Variants in CRB1 observed in about 807,000 individuals in gnomAD.
CRB1 encodes protein crumbs homolog 1.
A neutral mutation model predicts 120.0 loss-of-function variants in CRB1; 83 were observed. The ratio of observed to expected loss-of-function variants is 0.69; its 90% CI spans 0.58 to 0.83. The LOEUF is 0.83. Ranked by LOEUF, CRB1 falls within the 40% of genes least tolerant of loss-of-function variation. CRB1 has a pLI of 0.00. For synonymous variants in CRB1, 625 were observed against 612.5 expected (o/e 1.02, Z -0.30); for missense variants, 1,699 against 1,687.6 (o/e 1.01, Z -0.12).
At chr1:197,288,752 A>ATCTTTCT (rs1655986159) in intron 1 of CRB1, among the ~76,000 whole-genome samples, 1 of 151,724 alleles carries the variant, frequency 6.6e-6, no homozygotes, top group Non-Finnish European at 1.5e-5. Flanking sequence ...TGATTTGAAG[A>ATCTTTCT]CATAGCAATG....
intron 2 of CRB1, among the ~76,000 whole-genome samples, chr1:197,342,030 A>G (rs981730108): frequency 1.3e-5 from 2 of 152,218 alleles, no homozygotes; most frequent in African/African-American, 4.8e-5. Flanking sequence ...ACAGTCTGGT[A>G]TGACATATGA....
chr1:197,225,136 C>T, the CRB1 span, among the ~76,000 whole-genome samples: 1 of 152,080 alleles, frequency 6.6e-6, no homozygotes, highest in South Asian at 2.1e-4. Flanking sequence ...GCCAAGATTT[C>T]TTGTCCAAGT....
At chr1:197,371,799 T>C (rs1360103582) in intron 5 of CRB1, among the ~76,000 whole-genome samples, 2 of 152,114 alleles carry the variant, frequency 1.3e-5, no homozygotes, top group Admixed American at 6.5e-5. Flanking sequence ...TTCATCGCTT[T>C]TACGGTAAGC....
At chr1:197,460,633 C>T (rs1450435639) in intron 11 of CRB1, among the ~76,000 whole-genome samples, 1 of 152,042 alleles carries the variant, frequency 6.6e-6, no homozygotes, top group Non-Finnish European at 1.5e-5. Context: ...AACGAAGGCC[C>T]AAAGAAGTGA....
chr1:197,410,559 C>T (rs1482546011), intron 5 of CRB1, among the ~76,000 whole-genome samples: 1 of 152,174 alleles, frequency 6.6e-6, no homozygotes, highest in Admixed American at 6.5e-5. Flanking sequence ...GAACAATTGC[C>T]TCATTTAATC....
At chr1:197,428,184 G>A (rs1296467047) in intron 7 of CRB1, among the ~76,000 whole-genome samples, 183 bp downstream of exon 7, 1 of 152,144 alleles carries the variant, frequency 6.6e-6, no homozygotes, top group Non-Finnish European at 1.5e-5. Context: ...CCATAGAAAT[G>A]AGGCCTTGAT....
the CRB1 span, among the ~76,000 whole-genome samples, chr1:197,209,195 C>A: frequency 6.6e-6 from 1 of 152,204 alleles, no homozygotes; most frequent in African/African-American, 2.4e-5. Flanking sequence ...CATGCCTCCC[C>A]ACATGCCTCA....
At chr1:197,460,197 C>A (rs1483204377) in intron 11 of CRB1, among the ~76,000 whole-genome samples, 1 of 151,794 alleles carries the variant, frequency 6.6e-6, no homozygotes. Flanking sequence ...TTCCCTGGAT[C>A]AGCATCACTA....
the CRB1 span, among the ~76,000 whole-genome samples, chr1:197,227,861 C>T: frequency 6.6e-6 from 1 of 152,220 alleles, no homozygotes; most frequent in Non-Finnish European, 1.5e-5. Context: ...CATTTCCGTA[C>T]ATCTTCTGAA....
Position 197,435,281 on chromosome 1 carries a change from T to G in CRB1, c.3418T>G (p.Leu1140Val), listed in dbSNP as rs201380452. 2.5e-5 allele frequency: 40 copies of G among 1,613,732 alleles called. No individual in the cohort carries two copies. The highest frequency in any genetic ancestry group is 5.0e-5 in the Admixed American group (3 of 59,942). The change falls in exon 9 of 12, where the codon TTA becomes GTA. Residue 1140 changes from leucine (L) to valine (V), a missense_variant. Transcript: ENST00000367400. ...TNSVVTGCLQ[L>V]NVCNSNPCLH... Reference sequence around the variant, plus strand: ...TTCAGTGGTCACTGGCTGTTTGCAGTTAAATGTCTGCAACTCCAACCCCTG... The same window carrying G: ...TTCAGTGGTCACTGGCTGTTTGCAGGTAAATGTCTGCAACTCCAACCCCTG...
intron 5 of CRB1, among the ~76,000 whole-genome samples, chr1:197,390,458 C>T (rs769394700): frequency 1.1e-4 from 17 of 151,974 alleles, no homozygotes; most frequent in Non-Finnish European, 2.4e-4. Flanking sequence ...AACAATAGCT[C>T]CCAACATTCT....
intron 11 of CRB1, among the ~76,000 whole-genome samples, chr1:197,467,502 A>C (rs1666800493): frequency 6.6e-6 from 1 of 152,180 alleles, no homozygotes; most frequent in African/African-American, 2.4e-5. Context: ...TAATTGTCCC[A>C]ATAATGTCCC....
intron 5 of CRB1, among the ~76,000 whole-genome samples, chr1:197,362,244 G>A (rs1431666396): frequency 1.3e-5 from 2 of 152,020 alleles, no homozygotes; most frequent in African/African-American, 4.8e-5. Context: ...TTTCAAATTT[G>A]TTGGGGTTTG....
At chr1:197,377,423 A>G (rs899054171) in intron 5 of CRB1, among the ~76,000 whole-genome samples, 20 of 152,204 alleles carry the variant, frequency 1.3e-4, no homozygotes, top group African/African-American at 4.6e-4. Context: ...TCTCAGTTGT[A>G]AGCATTGATC....
At chr1:197,225,778 A>G in the CRB1 span, among the ~76,000 whole-genome samples, 2 of 152,352 alleles carry the variant, frequency 1.3e-5, no homozygotes, top group African/African-American at 4.8e-5. Flanking sequence ...CTTTAAGCCC[A>G]TATTTTGAAG....
At chr1:197,431,065 CA>C (rs201907193) in intron 8 of CRB1, among the ~76,000 whole-genome samples, 13 of 145,980 alleles carry the variant, frequency 8.9e-5, no homozygotes, top group Admixed American at 4.1e-4. Flanking sequence ...GACCCTGTCT[CA>C]AAAAAAAATA....
intron 1 of CRB1, among the ~76,000 whole-genome samples, chr1:197,293,042 G>A (rs1190616282): frequency 1.3e-5 from 2 of 152,034 alleles, no homozygotes; most frequent in Admixed American, 6.6e-5. Context: ...TTTCAATATA[G>A]TGTTGGAAGT....
chr1:197,224,671 T>C, the CRB1 span, among the ~76,000 whole-genome samples: 1 of 152,136 alleles, frequency 6.6e-6, no homozygotes, highest in Admixed American at 6.6e-5. Context: ...ATGACTTTCT[T>C]GGCTATTAAT....
At chr1:197,296,940 T>C (rs1359842111) in intron 1 of CRB1, among the ~76,000 whole-genome samples, 2 of 152,088 alleles carry the variant, frequency 1.3e-5, no homozygotes, top group Admixed American at 6.6e-5. Flanking sequence ...AAACCTCTTT[T>C]TCTTTATAAA....
Sources: allele counts gnomAD v4.1 joint callset (sites outside exome capture counted in the v4.1 genomes callset), GRCh38; gene constraint gnomAD v4.1.1; transcripts MANE v1.5; gene names NCBI Gene and HGNC (gene_info 2026-07-23, HGNC 2026-07-21).